The following AWAT2 variants were observed in gnomAD, a reference collection of about 807,000 sequenced individuals.
AWAT2 encodes the protein acyl-CoA wax alcohol acyltransferase 2, also known as 11-cis-RE-synthase.
A neutral mutation model predicts 22.3 loss-of-function variants in AWAT2; 9 were observed. The ratio of observed to expected loss-of-function variants is 0.40; its 90% CI spans 0.24 to 0.70. The LOEUF (loss-of-function observed/expected upper bound fraction) is 0.70, where lower values mean the gene tolerates loss of function less well. AWAT2 is among the 30% of genes least tolerant of loss of function. The probability of loss-of-function intolerance (pLI) is 0.36; values close to 1 mark genes in which losing one functional copy is unlikely to be tolerated. For synonymous variants in AWAT2, 100 were observed against 93.4 expected (o/e 1.07, Z -0.40); for missense variants, 217 against 265.9 (o/e 0.82, Z 1.28).
chrX:70,047,616 T>G (rs1022142650), intron 1 of AWAT2, among the ~76,000 whole-genome samples: 9 of 111,970 alleles, frequency 8.0e-5, no homozygotes, highest in African/African-American at 2.9e-4. Context: ...AGATGGGAAC[T>G]AAAATACCAA....
In AWAT2 at chrX:70,043,964, G is replaced by A. The variant is rs781677339; in HGVS notation, c.229C>T (p.Arg77Cys). 10 of 1,200,920 alleles carry A rather than the reference G, an allele frequency of 8.3e-6. No individual in the cohort carries two copies. Among genetic ancestry groups the A allele is most frequent in the South Asian group, 7.3e-5 (4 of 55,013 alleles). The change falls in exon 3 of 8, where the codon CGC (arginine) becomes TGC (cysteine). Residue 77 changes from arginine (R) to cysteine (C), a missense_variant. By Grantham distance (180) the Arg-to-Cys change is radical. Transcript: ENST00000276101. ...TAATCGCTGTAGTGTTTCCACAGGC[G>A]CCAGTGCCTCACACAGGTAAACCGG... ...GRRFTCVRHW[R>C]LWKHYSDYFP...
At position 70,041,382 on chromosome X, in the gene AWAT2, A is replaced by G. The variant is rs1454166545; in HGVS notation, c.*276T>C. The G allele has an allele frequency of 8.6e-6, 1 of 116,630 alleles. No homozygotes were observed. Among genetic ancestry groups the G allele is most frequent in the Non-Finnish European group, 1.8e-5 (1 of 56,428 alleles). The allele number at this position is 116,630 out of a possible 1,213,427, so 9.6% of individuals were successfully genotyped here. A position where few individuals can be genotyped will look rare whatever the true frequency, so the allele number is the denominator to read the frequency against. ...AGGAAGCAGGACTCAATGCCAGAAG[A>G]TGGGGCTCAATGCCGGGAGATGGGG... is the stretch of plus-strand genomic sequence containing the variant. On this transcript the variant is annotated 3_prime_UTR_variant, in exon 8 of 8. Transcript: ENST00000276101.
rs41312130 is a variant in AWAT2 at position 70,042,046 on chromosome X, C to A, written c.848-84G>T. 8,217 of 1,119,903 alleles carry A rather than the reference C, an allele frequency of 7.3e-3. 29 individuals carry two copies. Among genetic ancestry groups the A allele is most frequent in the Non-Finnish European group, 9.1e-3 (7,497 of 827,878 alleles). The allele number at this position is 1,119,903 out of a possible 1,213,427, so 92.3% of individuals were successfully genotyped here. A position where few individuals can be genotyped will look rare whatever the true frequency, so the allele number is the denominator to read the frequency against. ...ATGGGCCCCAGGCTTCAAGCCCAGACTCTTCCCCATCCTCACCTCAAAAAG... is the reference window on the plus strand; with the variant it reads ...ATGGGCCCCAGGCTTCAAGCCCAGAATCTTCCCCATCCTCACCTCAAAAAG... On this transcript the variant is annotated intron_variant, in intron 6 of 7. Transcript: ENST00000276101.
Position 70,042,859 on chromosome X carries a change from T to G in AWAT2, c.647+210A>C, listed in dbSNP as rs1233633450. The G allele has an allele frequency of 3.2e-5, 13 of 405,371 alleles. 1 individual carries two copies. The highest frequency in any genetic ancestry group is 3.6e-5 in the Non-Finnish European group (9 of 251,749). The allele number at this position is 405,371 out of a possible 1,213,427, so 33.4% of individuals were successfully genotyped here. A position where few individuals can be genotyped will look rare whatever the true frequency, so the allele number is the denominator to read the frequency against. On this transcript the variant is annotated intron_variant, in intron 5 of 7. Transcript: ENST00000276101. ...TGGCCCCAGCTCTTCAACCCAGAGG[T>G]GGCTTTCCTCCTCCCTCTTTTTTTT...
At chrX:70,049,606 C>T (rs1324425541) in intron 1 of AWAT2, among the ~76,000 whole-genome samples, 5 of 111,676 alleles carry the variant, frequency 4.5e-5, no homozygotes, top group African/African-American at 6.5e-5. Context: ...TGTGCATAGA[C>T]GTGCATATAC....
At chrX:70,049,393 G>A (rs1269221994) in intron 1 of AWAT2, among the ~76,000 whole-genome samples, 1 of 111,516 alleles carries the variant, frequency 9.0e-6, no homozygotes, top group African/African-American at 3.3e-5. Context: ...ATAAATTGTC[G>A]AATTCCTCAG....
At position 70,043,932 on chromosome X, in the gene AWAT2, A is replaced by C; in HGVS notation, c.261T>G (p.Pro87=). ...GGGACCTGGGGCTACTGACCTTGAG[A>C]GGGAAATAATCGCTGTAGTGTTTCC... ...RLWKHYSDYF[P]LKLLKTHDIC... Residue 87 remains proline (P), a synonymous_variant, in exon 3 of 8, where the codon CCT becomes CCG. Transcript: ENST00000276101. 3.3e-6 allele frequency: 4 copies of C among 1,203,087 alleles called. No homozygotes were observed. Among genetic ancestry groups the C allele is most frequent in the Non-Finnish European group, 4.5e-6 (4 of 891,110 alleles).
intron 5 of AWAT2, chrX:70,042,689 G>T: frequency 2.4e-6 from 1 of 414,780 alleles, no homozygotes; most frequent in East Asian, 4.1e-5. Flanking sequence ...TTTAACACAA[G>T]CTAAGCTTGG....
Position 70,049,936 on chromosome X carries a change from G to A in AWAT2, c.-4C>T. On this transcript the variant is annotated 5_prime_UTR_variant, in exon 1 of 8. Transcript: ENST00000276101. ...CCTTCTTAGAGGGCAAGAGCATTGT[G>A]CCCAGCGTCCCAGTGGCTCCAGGTA... 8.3e-7 allele frequency: 1 copy of A among 1,210,883 alleles called. No individual in the cohort carries two copies. Among genetic ancestry groups the A allele is most frequent in the Non-Finnish European group, 1.1e-6 (1 of 895,223 alleles).
chrX:70,043,595 G>A lies in AWAT2; in HGVS notation c.355C>T (p.His119Tyr). The change falls in exon 4 of 8, where the codon CAC becomes TAC. Residue 119 changes from histidine (H) to tyrosine (Y), a missense_variant. His to Tyr is a moderately conservative substitution (Grantham distance 83). Transcript: ENST00000276101. ...AAGCCTGAGGCCTCTGTGGCAAAGT[G>A]GCCAAACCATCCATGGGCAAAGAGC... ...HGLFAHGWFG[H>Y]FATEASGFSK... The A allele has an allele frequency of 8.3e-7, 1 of 1,210,468 alleles. No homozygotes were observed. The highest frequency in any genetic ancestry group is 1.1e-6 in the Non-Finnish European group (1 of 894,529).
At chrX:70,047,152 G>T (rs2020367762) in intron 1 of AWAT2, among the ~76,000 whole-genome samples, 1 of 112,064 alleles carries the variant, frequency 8.9e-6, no homozygotes, top group Non-Finnish European at 1.9e-5. Flanking sequence ...TAACAATTTT[G>T]GGAGGATGGG....
chrX:70,042,418 A>G, intron 5 of AWAT2, 32 bp from the exon 6 acceptor site: 1 of 1,182,675 alleles, frequency 8.5e-7, no homozygotes, highest in Non-Finnish European at 1.2e-6. Flanking sequence ...TCTGAAGCCC[A>G]GAAAGGTAGG....
At chrX:70,042,464 G>A (rs1431810421) in intron 5 of AWAT2, 78 bp from the exon 6 acceptor site, 1 of 997,050 alleles carries the variant, frequency 1.0e-6, no homozygotes, top group Admixed American at 2.3e-5. Context: ...GACGGCGCAT[G>A]ATCCCTGGGT....
At chrX:70,046,337 C>CT (rs2020361484) in intron 1 of AWAT2, among the ~76,000 whole-genome samples, 1 of 111,272 alleles carries the variant, frequency 9.0e-6, no homozygotes, top group African/African-American at 3.3e-5. Context: ...AACCCACCCC[C>CT]TATATGGCTT....
In AWAT2 at chrX:70,043,710, C is replaced by T. The variant is rs1486219818; in HGVS notation, c.268-28G>A. 2.6e-6 allele frequency: 3 copies of T among 1,161,947 alleles called. No individual in the cohort carries two copies. The South Asian group carries it at 5.7e-5, about 22-fold the overall frequency. ...GCGGAAGAAAGTAGAATCAGGAGGG[C>T]TATTCCCAGGGTAGAGAACTTCTCT... On this transcript the variant is annotated intron_variant, in intron 3 of 7. Transcript: ENST00000276101.
chrX:70,048,397 G>A (rs1468011204), intron 1 of AWAT2, among the ~76,000 whole-genome samples: 3 of 110,331 alleles, frequency 2.7e-5, no homozygotes, highest in Non-Finnish European at 3.8e-5. Context: ...AATATATATC[G>A]AGCACCAATT....
chrX:70,042,630 A>G (rs779272757), intron 5 of AWAT2: 418 of 441,701 alleles, frequency 9.5e-4, no homozygotes, highest in Non-Finnish European at 1.3e-3. Context: ...CCTGGGTCTG[A>G]AACGCTGGAA....
intron 5 of AWAT2, 130 bp from the exon 6 acceptor site, chrX:70,042,516 G>T: frequency 1.5e-6 from 1 of 664,433 alleles, no homozygotes; most frequent in Non-Finnish European, 2.4e-6. Flanking sequence ...CTGTGCCTAG[G>T]TCCAAGTTGA....
intron 3 of AWAT2, 49 bp downstream of exon 3, chrX:70,043,877 T>C: frequency 8.6e-7 from 1 of 1,156,294 alleles, no homozygotes; most frequent in Non-Finnish European, 1.2e-6. Context: ...CTGCTAGCAC[T>C]GAAGTCGGGG....
Sources: allele counts gnomAD v4.1 joint callset (sites outside exome capture counted in the v4.1 genomes callset), GRCh38; gene constraint gnomAD v4.1.1; transcripts MANE v1.5; gene names NCBI Gene and HGNC (gene_info 2026-07-23, HGNC 2026-07-21).